The following HS3ST4 variants were observed in gnomAD, a reference collection of about 807,000 sequenced individuals.
The protein encoded by HS3ST4 is heparan sulfate-glucosamine 3-sulfotransferase 4.
HS3ST4 carries 17 observed loss-of-function variants against 29.2 expected under a neutral mutation model. That is an observed-to-expected ratio of 0.58 (90% CI 0.40 to 0.87). HS3ST4 has a LOEUF of 0.87. Ranked by LOEUF, HS3ST4 falls within the 40% of genes least tolerant of loss-of-function variation. The pLI, the probability that HS3ST4 is intolerant of heterozygous loss-of-function variation, is 0.00. For synonymous variants in HS3ST4, 314 were observed against 285.7 expected, an observed-to-expected ratio of 1.10 and a Z score of -1.00; for missense variants, 627 against 634.5, an observed-to-expected ratio of 0.99 and a Z score of 0.13.
At position 26,136,880 on chromosome 16, in the gene HS3ST4, C is replaced by CCA. The variant is rs372111605; in HGVS notation, c.*647_*648dup. On this transcript the variant is annotated 3_prime_UTR_variant, in exon 2 of 2. Transcript: ENST00000331351. ...ACTGAAAAAGAAAACACACACCCACCCACACACACACACACAGAAGAAAAT... is the reference window on the plus strand; with the variant it reads ...ACTGAAAAAGAAAACACACACCCACCCACACACACACACACACAGAAGAAAAT... 2.8e-4 allele frequency: 42 copies of CCA among 151,516 alleles called. No individual in the cohort carries two copies. The highest frequency in any genetic ancestry group is 5.8e-4 in the African/African-American group (24 of 41,164). 9.4% of individuals were successfully genotyped at this position (151,516 alleles called of 1,614,324 possible).
intron 1 of HS3ST4, among the ~76,000 whole-genome samples, chr16:25,920,599 C>A (rs1451498457): frequency 2.0e-4 from 26 of 127,754 alleles, no homozygotes; most frequent in Admixed American, 2.0e-3. Context: ...CACTGCCGCC[C>A]CCACCCCTCT....
chr16:26,132,661 A>G (rs1899435876), intron 1 of HS3ST4, among the ~76,000 whole-genome samples: 2 of 152,198 alleles, frequency 1.3e-5, no homozygotes, highest in Admixed American at 6.5e-5. Context: ...ATGAATTTGA[A>G]TGGGGCTCAG....
chr16:25,975,086 A>G (rs1237069237), intron 1 of HS3ST4, among the ~76,000 whole-genome samples: 1 of 152,186 alleles, frequency 6.6e-6, no homozygotes, highest in Non-Finnish European at 1.5e-5. Context: ...TTTGAAAAAT[A>G]TCACCCTGGA....
At chr16:26,017,477 T>C (rs1231614281) in intron 1 of HS3ST4, among the ~76,000 whole-genome samples, 1 of 152,176 alleles carries the variant, frequency 6.6e-6, no homozygotes, top group East Asian at 1.9e-4. Context: ...TTGGCCAGTT[T>C]GCAGTCAGAA....
At chr16:26,060,813 G>T (rs1009249071) in intron 1 of HS3ST4, among the ~76,000 whole-genome samples, 4 of 152,114 alleles carry the variant, frequency 2.6e-5, no homozygotes, top group Non-Finnish European at 4.4e-5. Context: ...ACCACCCTGC[G>T]ATCGGTTGGC....
In HS3ST4 at chr16:25,900,914, G is replaced by T. The variant is rs534943103; in HGVS notation, c.734+207763G>T. Among the ~76,000 whole-genome samples the T allele has an allele frequency of 1.8e-3, 268 of 152,258 alleles. 3 individuals carry two copies. The South Asian group carries it at 0.031, about 18-fold the overall frequency. ...ATGATTACATTACTCTAGATGCCAT[G>T]TTCTTCCTACTCTGTTACTCAGCAC... is the stretch of plus-strand genomic sequence containing the variant. On this transcript the variant is annotated intron_variant, in intron 1 of 1. Coordinates refer to ENST00000331351, the MANE Select transcript of HS3ST4 (RefSeq NM_006040.3).
At chr16:25,771,576 G>A (rs1049347284) in intron 1 of HS3ST4, among the ~76,000 whole-genome samples, 2 of 152,048 alleles carry the variant, frequency 1.3e-5, no homozygotes, top group Non-Finnish European at 2.9e-5. Context: ...CTTATCTTCT[G>A]TGGAAAGAAC....
At chr16:25,979,425 G>A (rs951344123) in intron 1 of HS3ST4, among the ~76,000 whole-genome samples, 1 of 152,136 alleles carries the variant, frequency 6.6e-6, no homozygotes, top group African/African-American at 2.4e-5. Flanking sequence ...TACCACCTGA[G>A]CTCTGCCTCC....
chr16:25,982,614 G>A (rs1969019367), intron 1 of HS3ST4, among the ~76,000 whole-genome samples: 1 of 152,184 alleles, frequency 6.6e-6, no homozygotes, highest in Non-Finnish European at 1.5e-5. Context: ...GATCACTTGA[G>A]GCCTGGAGTT....
At chr16:25,822,420 A>C (rs559795317) in intron 1 of HS3ST4, among the ~76,000 whole-genome samples, 1 of 152,174 alleles carries the variant, frequency 6.6e-6, no homozygotes, top group South Asian at 2.1e-4. Flanking sequence ...CAACATATGA[A>C]TTTTGGGGGG....
chr16:25,921,385 A>G (rs1968351316), intron 1 of HS3ST4, among the ~76,000 whole-genome samples: 1 of 152,208 alleles, frequency 6.6e-6, no homozygotes, highest in African/African-American at 2.4e-5. Flanking sequence ...TGTTTCATAG[A>G]CGAGGAATCT....
At chr16:26,095,003 C>G (rs980408788) in intron 1 of HS3ST4, among the ~76,000 whole-genome samples, 78 of 152,010 alleles carry the variant, frequency 5.1e-4, no homozygotes, top group Non-Finnish European at 9.7e-4. Context: ...CAAAAAAGAT[C>G]AAAAGAGACA....
At chr16:26,107,220 G>C (rs1351862799) in intron 1 of HS3ST4, among the ~76,000 whole-genome samples, 1 of 151,910 alleles carries the variant, frequency 6.6e-6, no homozygotes, top group African/African-American at 2.4e-5. Context: ...TAAAGAATTT[G>C]TTGCCCATAG....
intron 1 of HS3ST4, among the ~76,000 whole-genome samples, chr16:25,700,846 G>T (rs1313150298): frequency 6.6e-6 from 1 of 151,944 alleles, no homozygotes; most frequent in Non-Finnish European, 1.5e-5. Flanking sequence ...GTTGCTGTTT[G>T]TACTCACTAC....
At chr16:25,864,997 C>T (rs929712186) in intron 1 of HS3ST4, among the ~76,000 whole-genome samples, 3 of 137,082 alleles carry the variant, frequency 2.2e-5, no homozygotes, top group African/African-American at 7.6e-5. Context: ...CACACTCACA[C>T]ACACAAACAC....
intron 1 of HS3ST4, among the ~76,000 whole-genome samples, chr16:25,887,444 C>T (rs529682250): frequency 1.2e-4 from 18 of 152,150 alleles, no homozygotes; most frequent in African/African-American, 4.3e-4. Context: ...TAACCCCCAC[C>T]CTCTTAGTCA....
At chr16:26,044,252 T>C (rs777383092) in intron 1 of HS3ST4, among the ~76,000 whole-genome samples, 1 of 152,236 alleles carries the variant, frequency 6.6e-6, no homozygotes, top group Non-Finnish European at 1.5e-5. Context: ...GTTACTTGAT[T>C]CTGCAAGAGC....
chr16:25,899,971 C>A (rs1011106166), intron 1 of HS3ST4, among the ~76,000 whole-genome samples: 1 of 152,128 alleles, frequency 6.6e-6, no homozygotes, highest in Non-Finnish European at 1.5e-5. Flanking sequence ...CCAGGCCAAC[C>A]CTGGGACCAG....
At chr16:25,734,351 G>A (rs1427846444) in intron 1 of HS3ST4, among the ~76,000 whole-genome samples, 1 of 152,142 alleles carries the variant, frequency 6.6e-6, no homozygotes. Context: ...TTCCAGCTTG[G>A]ATCTTAAATT....
Sources: gnomAD v4.1 joint callset for allele counts (sites outside exome capture counted in the v4.1 genomes callset) on GRCh38, gnomAD v4.1.1 for gene constraint, MANE v1.5 for transcripts, NCBI Gene and HGNC (gene_info 2026-07-23, HGNC 2026-07-21) for gene names.